Variants in SHISA9 observed in about 807,000 individuals in gnomAD.
SHISA9 encodes shisa family member 9.
A neutral mutation model predicts 38.0 loss-of-function variants in SHISA9; 13 were observed. That is an observed-to-expected ratio of 0.34 (90% confidence interval 0.22 to 0.54). The LOEUF (loss-of-function observed/expected upper bound fraction) is 0.54, where lower values mean the gene tolerates loss of function less well. SHISA9 is among the 20% of genes least tolerant of loss of function. The pLI, the probability that SHISA9 is intolerant of heterozygous loss-of-function variation, is 0.91. For missense variants in SHISA9, 538 were observed against 575.8 expected, an observed-to-expected ratio of 0.93 and a Z score of 0.67; for synonymous variants, 275 against 242.0, an observed-to-expected ratio of 1.14 and a Z score of -1.27.
the SHISA9 span, among the ~76,000 whole-genome samples, chr16:13,310,786 C>G: frequency 8.0e-5 from 12 of 150,344 alleles, no homozygotes; most frequent in Admixed American, 6.7e-4. Flanking sequence ...CAGGTCCAAG[C>G]AATTCTCCTG....
chr16:13,255,425 C>A, the SHISA9 span, among the ~76,000 whole-genome samples: 8 of 152,172 alleles, frequency 5.3e-5, no homozygotes, highest in Non-Finnish European at 1.0e-4. Flanking sequence ...ATGTGTGTGT[C>A]TTTCTCTTTC....
At chr16:13,553,015 T>G in the SHISA9 span, among the ~76,000 whole-genome samples, 157 of 152,228 alleles carry the variant, frequency 1.0e-3, no homozygotes, top group African/African-American at 3.6e-3. Flanking sequence ...AATGCTGGCC[T>G]CTGCAATCTA....
the SHISA9 span, among the ~76,000 whole-genome samples, chr16:13,385,975 G>A: frequency 2.7e-4 from 41 of 152,306 alleles, no homozygotes; most frequent in East Asian, 7.3e-3. Context: ...TAGGGATTAA[G>A]GATAGGGACA....
intron 2 of SHISA9, among the ~76,000 whole-genome samples, chr16:13,008,630 CTCT>C (rs1285089345): frequency 1.6e-5 from 2 of 127,800 alleles, no homozygotes; most frequent in African/African-American, 5.8e-5. Context: ...TTCTCTCCCT[CTCT>C]CCTCCCTCCC....
chr16:13,211,603 A>C (rs1340129381), intron 3 of SHISA9, among the ~76,000 whole-genome samples: 1 of 152,204 alleles, frequency 6.6e-6, no homozygotes, highest in African/African-American at 2.4e-5. Context: ...TATTTTTCTA[A>C]TGTCCATGAG....
At chr16:13,053,662 G>T (rs570031410) in intron 2 of SHISA9, among the ~76,000 whole-genome samples, 2 of 151,958 alleles carry the variant, frequency 1.3e-5, no homozygotes, top group South Asian at 4.2e-4. Context: ...ATCTTTCTTC[G>T]TGTATCTTAA....
intron 2 of SHISA9, among the ~76,000 whole-genome samples, chr16:12,952,259 T>A (rs2071767858): frequency 6.6e-6 from 1 of 152,222 alleles, no homozygotes; most frequent in African/African-American, 2.4e-5. Context: ...CAGAGAACTT[T>A]CTGTGACCTG....
chr16:13,138,233 A>G (rs2050367307), intron 2 of SHISA9, among the ~76,000 whole-genome samples: 1 of 152,208 alleles, frequency 6.6e-6, no homozygotes, highest in Admixed American at 6.5e-5. Flanking sequence ...CTGAGGCCTC[A>G]TCCCAGAGCA....
At chr16:13,255,350 TTC>T in the SHISA9 span, among the ~76,000 whole-genome samples, 10 of 152,176 alleles carry the variant, frequency 6.6e-5, no homozygotes, top group Admixed American at 3.9e-4. Flanking sequence ...CTGAAACACA[TTC>T]TCTCTGTTTG....
the SHISA9 span, among the ~76,000 whole-genome samples, chr16:13,411,111 C>T: frequency 2.0e-5 from 3 of 152,140 alleles, no homozygotes; most frequent in East Asian, 1.9e-4. Flanking sequence ...ATCCCATATC[C>T]GTCCCTGATT....
chr16:13,552,265 C>A, the SHISA9 span, among the ~76,000 whole-genome samples: 1 of 152,150 alleles, frequency 6.6e-6, no homozygotes, highest in Admixed American at 6.5e-5. Context: ...GAAATCCTCA[C>A]CAGAGGGAGT....
the SHISA9 span, among the ~76,000 whole-genome samples, chr16:13,354,500 G>T: frequency 1.3e-3 from 190 of 151,430 alleles, no homozygotes; most frequent in African/African-American, 4.4e-3. Context: ...TCAACAAAGA[G>T]TGAGTACAGC....
At chr16:13,155,565 C>A (rs1035974500) in intron 2 of SHISA9, among the ~76,000 whole-genome samples, 1 of 149,542 alleles carries the variant, frequency 6.7e-6, no homozygotes, top group Admixed American at 6.7e-5. Flanking sequence ...TCTGGCCTTT[C>A]ATAGTGTGTT....
chr16:13,287,791 T>C, the SHISA9 span, among the ~76,000 whole-genome samples: 5 of 152,184 alleles, frequency 3.3e-5, no homozygotes, highest in Non-Finnish European at 7.4e-5. Flanking sequence ...ACAATGATAG[T>C]CACTTTCACT....
Position 13,231,639 on chromosome 16 carries a change from A to G in SHISA9, c.896-3391A>G, listed in dbSNP as rs17247219. On this transcript the variant is annotated intron_variant, in intron 4 of 4. Transcript: ENST00000558583. ...GTCGGAGCTATTTGCATTACAAGGA[A>G]TATAAACTCAACTTAAACTGTATCA... Among the ~76,000 whole-genome samples the G allele has an allele frequency of 9.0e-3, 1,368 of 152,306 alleles. 7 individuals carry two copies. Among genetic ancestry groups the G allele is most frequent in the Middle Eastern group, 0.031 (9 of 294 alleles).
intron 2 of SHISA9, among the ~76,000 whole-genome samples, chr16:13,066,502 A>G (rs536231473): frequency 8.8e-4 from 134 of 152,334 alleles, no homozygotes; most frequent in Non-Finnish European, 9.1e-4. Context: ...TAATTCCAGT[A>G]TCTGGAGTGC....
At chr16:13,556,361 T>C in the SHISA9 span, among the ~76,000 whole-genome samples, 1 of 152,200 alleles carries the variant, frequency 6.6e-6, no homozygotes, top group Non-Finnish European at 1.5e-5. Context: ...CAGAGTTCCA[T>C]GCCTTAACTA....
At chr16:13,184,684 A>C (rs1297771801) in intron 2 of SHISA9, among the ~76,000 whole-genome samples, 1 of 152,140 alleles carries the variant, frequency 6.6e-6, no homozygotes, top group African/African-American at 2.4e-5. Context: ...TGTCTTTTCC[A>C]CAATGTCTTA....
chr16:13,516,578 T>C, the SHISA9 span, among the ~76,000 whole-genome samples: 1 of 152,130 alleles, frequency 6.6e-6, no homozygotes, highest in Non-Finnish European at 1.5e-5. Flanking sequence ...GGTGGGTGGA[T>C]TGCCTGAGGT....
Sources: allele counts gnomAD v4.1 joint callset (sites outside exome capture counted in the v4.1 genomes callset), GRCh38; gene constraint gnomAD v4.1.1; transcripts MANE v1.5; gene names NCBI Gene and HGNC (gene_info 2026-07-23, HGNC 2026-07-21).